IGSF22: variants seen among roughly 807,000 people sequenced by gnomAD.
IGSF22 encodes immunoglobulin superfamily, member 22.
A neutral mutation model predicts 127.0 loss-of-function variants in IGSF22; 119 were observed. The observed-to-expected ratio is 0.94, with a 90% CI of 0.81 to 1.09. IGSF22 has a LOEUF of 1.09. Ranked by LOEUF, IGSF22 falls within the 50% of genes least tolerant of loss-of-function variation. IGSF22 has a pLI of 0.00. For synonymous variants in IGSF22, 568 were observed against 664.7 expected (o/e 0.85, Z 2.24); for missense variants, 1,518 against 1,716.6 (o/e 0.88, Z 2.04).
intron 9 of IGSF22, 120 bp downstream of exon 9, chr11:18,717,811 A>G (rs4561190): frequency 0.92 from 1,015,985 of 1,106,328 alleles, 467,275 homozygotes; most frequent in East Asian, 0.95. Context: ...TCCCCACACA[A>G]TCCTTTCTTG....
In IGSF22 at chr11:18,718,609, C is replaced by T. The variant is rs574063127; in HGVS notation, c.810+6G>A. 24 of 1,543,532 alleles carry T rather than the reference C, an allele frequency of 1.6e-5. No individual in the cohort carries two copies. The East Asian group carries it at 4.9e-4, about 32-fold the overall frequency. On this transcript the variant is annotated splice_donor_region_variant and intron_variant, in intron 8 of 22. Coordinates refer to ENST00000513874, the MANE Select transcript of IGSF22 (RefSeq NM_173588.4). ...CCAAGGTGGACCCTGGCTAGGCATC[C>T]CCCACCTTGATCCATATCATCTTGA...
At chr11:18,717,645 G>T (rs1003432399) in intron 9 of IGSF22, among the ~76,000 whole-genome samples, 15 of 152,072 alleles carry the variant, frequency 9.9e-5, no homozygotes, top group African/African-American at 2.9e-4. Flanking sequence ...CGGTTCTCCT[G>T]CCTCAGCCTC....
chr11:18,717,999 A>G lies in IGSF22; in HGVS notation c.905T>C (p.Met302Thr), dbSNP rs199695741. 494 of 1,614,194 alleles carry G rather than the reference A, an allele frequency of 3.1e-4. 6 individuals are homozygous for G. In the South Asian group the frequency reaches 5.1e-3, roughly 17 times the overall value. The part of the protein sequence containing the change: ...KYMLVISNVN[M>T]NDAGIYSLSV... The stretch of plus-strand genomic sequence containing the variant: ...CAGGCTGTAGATGCCAGCATCGTTC[A>G]TGTTCACGTTGCTAATAACCAGCAT... Residue 302 changes from methionine to threonine, a missense_variant, in exon 9 of 23, where the codon ATG (methionine) becomes ACG (threonine). Met to Thr is a moderately conservative substitution (Grantham distance 81, BLOSUM62 -1). Coordinates refer to ENST00000513874, the MANE Select transcript of IGSF22 (RefSeq NM_173588.4).
intron 7 of IGSF22, 114 bp downstream of exon 7, chr11:18,719,602 G>A: frequency 3.0e-6 from 3 of 997,728 alleles, no homozygotes; most frequent in South Asian, 1.6e-5. Flanking sequence ...ACGCCTCTGA[G>A]TATGTGTGTG....
In IGSF22 at chr11:18,709,522, T is replaced by C. The variant is rs1156236588; in HGVS notation, c.2863A>G (p.Ile955Val). The change falls in exon 18 of 23, where the codon ATC becomes GTC. Residue 955 changes from isoleucine (I) to valine (V), a missense_variant. Ile to Val is a conservative substitution (Grantham distance 29). This residue lies in a region of IGSF22 where 1,456 missense variants were observed against 1,644.9 expected (regional missense o/e 0.89). Coordinates refer to ENST00000513874, the MANE Select transcript of IGSF22 (RefSeq NM_173588.4). This position sits in a 1 kb window ranked among gnomAD's most constrained non-coding sequence, Gnocchi z 4.8. The stretch of plus-strand genomic sequence containing the variant: ...CCCACTGTGTAGCAGGTGCCTGAGA[T>C]GGGGATCTTTGTGCACTTGGACCAC... ...KEWSKCTKIPISGTCYTVGGL... is the reference protein window; with the variant it reads ...KEWSKCTKIPVSGTCYTVGGL... 1.9e-6 allele frequency: 3 copies of C among 1,614,140 alleles called. No homozygotes were observed. The highest frequency in any genetic ancestry group is 1.1e-5 in the South Asian group (1 of 91,078).
chr11:18,712,077 C>T lies in IGSF22; in HGVS notation c.2398+5G>A. 1.3e-6 allele frequency: 2 copies of T among 1,546,400 alleles called. No homozygotes were observed. The highest frequency in any genetic ancestry group is 1.2e-5 in the South Asian group (1 of 83,400). The stretch of plus-strand genomic sequence containing the variant: ...CCCCACTGAGCACCAGGCTATCTCA[C>T]TGACCTATGGGATTTCCTGCAAACA... On this transcript the variant is annotated splice_donor_5th_base_variant and intron_variant, in intron 15 of 22. Transcript: ENST00000513874.
chr11:18,721,208 CTT>C (rs1848565216), intron 4 of IGSF22, among the ~76,000 whole-genome samples: 2 of 152,260 alleles, frequency 1.3e-5, no homozygotes, highest in African/African-American at 4.8e-5. Flanking sequence ...CGCCCACCGT[CTT>C]GGTCCCGCGT....
At position 18,712,239 on chromosome 11, in the gene IGSF22, G is replaced by A. The variant is rs1303784487; in HGVS notation, c.2241C>T (p.Ser747=). The A allele has an allele frequency of 1.3e-6, 2 of 1,551,626 alleles. No individual in the cohort carries two copies. The highest frequency in any genetic ancestry group is 1.4e-5 in the African/African-American group (1 of 73,052). Residue 747 remains serine (S), a synonymous_variant, in exon 15 of 23, where the codon TCC becomes TCT. Transcript: ENST00000513874. ...IVERRAVGKK[S]WIKIGEVDGK... is the part of the protein sequence containing the mutation. The stretch of plus-strand genomic sequence containing the variant: ...CGTCCACCTCGCCTATCTTAATCCA[G>A]GACTTCTTGCCAACTGCCCTCCGTT...
Position 18,704,365 on chromosome 11 carries a change from A to G in IGSF22, c.*103T>C. 1.3e-6 allele frequency: 1 copy of G among 752,366 alleles called. No homozygotes were observed. Among genetic ancestry groups the G allele is most frequent in the Non-Finnish European group, 2.3e-6 (1 of 429,690 alleles). 46.6% of individuals were successfully genotyped at this position (752,366 alleles called of 1,614,324 possible). On this transcript the variant is annotated 3_prime_UTR_variant, in exon 23 of 23. Coordinates refer to ENST00000513874, the MANE Select transcript of IGSF22 (RefSeq NM_173588.4). ...CCTTCACTGAATGTTTACATTAACA[A>G]ACACCAGAGAGCAAACTGGGCTTCC...
rs774302394 is a variant in IGSF22 at position 18,716,950 on chromosome 11, G to T, written c.1024C>A (p.Arg342Ser). ...CGGATCTCAAACACAGCTGTCTGGCGCTCTGTCACCTTCACAGGCTTCATC... is the reference window on the plus strand; with the variant it reads ...CGGATCTCAAACACAGCTGTCTGGCTCTCTGTCACCTTCACAGGCTTCATC... ...GEMKPVKVTE[R>S]QTAVFEIRLS... is the part of the protein sequence containing the mutation. Residue 342 changes from arginine to serine, a missense_variant, in exon 10 of 23, where the codon CGC becomes AGC. Physicochemically the swap from Arg to Ser is moderately radical, Grantham distance 110 (BLOSUM62 -1). Around this residue, in one of 3 missense-constraint regions of IGSF22, gnomAD observed 1,456 missense variants for 1,644.9 expected, o/e 0.89. Coordinates refer to ENST00000513874, the MANE Select transcript of IGSF22 (RefSeq NM_173588.4). This position sits in a 1 kb window ranked among gnomAD's most constrained non-coding sequence, Gnocchi z 4.5. The T allele has an allele frequency of 3.3e-5, 54 of 1,614,006 alleles. No individual in the cohort carries two copies. Among genetic ancestry groups the T allele is most frequent in the Non-Finnish European group, 4.3e-5 (51 of 1,180,020 alleles).
chr11:18,710,206 C>G, intron 17 of IGSF22, 121 bp downstream of exon 17: 1 of 1,285,144 alleles, frequency 7.8e-7, no homozygotes, highest in Non-Finnish European at 1.1e-6. Flanking sequence ...ATGAGGCTGG[C>G]AGTTTCCAGA....
rs183645626 is a variant in IGSF22 at position 18,714,102 on chromosome 11, G to A, written c.1845C>T (p.His615=). The A allele has an allele frequency of 8.9e-5, 144 of 1,614,218 alleles. No individual in the cohort carries two copies. In the African/African-American group the frequency reaches 1.1e-3, roughly 12 times the overall value. ...DPSVLEALAA[H]AITVKVGHTA... ...TGTGGCCTACCTTCACAGTGATGGC[G>A]TGCGCAGCCAGTGCCTCCAGTACTG... Residue 615 remains histidine (H), a synonymous_variant, in exon 14 of 23, where the codon CAC becomes CAT. Transcript: ENST00000513874.
chr11:18,714,175 T>C (rs889835761), intron 13 of IGSF22, 27 bp from the exon 14 acceptor site: 1 of 1,599,404 alleles, frequency 6.3e-7, no homozygotes, highest in East Asian at 2.2e-5. Context: ...CAGGGAAGGC[T>C]TGAGCATTGG....
At chr11:18,707,237 A>G (rs1564867164) in intron 20 of IGSF22, 24 bp from the exon 21 acceptor site, 1 of 1,501,120 alleles carries the variant, frequency 6.7e-7, no homozygotes, top group South Asian at 1.3e-5. Flanking sequence ...AAGATCTGTC[A>G]GCGACCTTGG....
chr11:18,717,801 T>A, intron 9 of IGSF22, 130 bp downstream of exon 9: 2 of 984,218 alleles, frequency 2.0e-6, no homozygotes, highest in Non-Finnish European at 3.0e-6. Flanking sequence ...TTGACTCCCA[T>A]CCCCACACAA....
rs558464266 is a variant in IGSF22, at chr11:18,707,737, A to C, written c.3280+67T>G. 3.2e-5 allele frequency: 43 copies of C among 1,363,362 alleles called. No homozygotes were observed. In the Admixed American group the frequency reaches 6.1e-4, roughly 19 times the overall value. 84.5% of individuals were successfully genotyped at this position (1,363,362 alleles called of 1,614,324 possible). On this transcript the variant is annotated intron_variant, in intron 20 of 22. Transcript: ENST00000513874. ...TTCCTGTGGTAGGAACTCAAGCGGC[A>C]CTGGGGAGCTGTGCTTTGGAGAGTG...
At position 18,714,526 on chromosome 11, in the gene IGSF22, C is replaced by T. The variant is rs1011047967; in HGVS notation, c.1630G>A (p.Gly544Ser). The stretch of plus-strand genomic sequence containing the variant: ...TCCTTGCCATCCTTCAGCCACACAC[C>T]CTCCACCTTCTCGTCATTCAGCACT... ...CVVLNDEKVE[G>S]VWLKDGKEIT... Residue 544 changes from glycine to serine, a missense_variant, in exon 12 of 23, where the codon GGT becomes AGT. Physicochemically the swap from Gly to Ser is moderately conservative, Grantham distance 56. This residue lies in a region of IGSF22 where 1,456 missense variants were observed against 1,644.9 expected (regional missense o/e 0.89). Transcript: ENST00000513874. 4 of 1,614,188 alleles carry T rather than the reference C, an allele frequency of 2.5e-6. No individual in the cohort carries two copies. Among genetic ancestry groups the T allele is most frequent in the Non-Finnish European group, 3.4e-6 (4 of 1,180,052 alleles).
At chr11:18,717,246 C>A (rs1042236168) in intron 9 of IGSF22, among the ~76,000 whole-genome samples, 1 of 152,200 alleles carries the variant, frequency 6.6e-6, no homozygotes, top group Non-Finnish European at 1.5e-5. Context: ...ATGTTCCAGG[C>A]ACCATCCTAG....
chr11:18,724,226 A>ATGGT lies in IGSF22; in HGVS notation c.7_10dup (p.Ile4AsnfsTer66), dbSNP rs746078119. On this transcript the variant is annotated frameshift_variant, in exon 2 of 23. Coordinates refer to ENST00000513874, the MANE Select transcript of IGSF22 (RefSeq NM_173588.4). LOFTEE classifies it high-confidence loss of function. Reference sequence around the variant, plus strand: ...CTCCTGCAGCATCTGCCGGCTGTGAATGGTTGTCATGGTGACAGCAGGCGT... The same window carrying ATGGT: ...CTCCTGCAGCATCTGCCGGCTGTGAATGGTTGGTTGTCATGGTGACAGCAGGCGT... 6.2e-7 allele frequency: 1 copy of ATGGT among 1,613,426 alleles called. No homozygotes were observed. Among genetic ancestry groups the ATGGT allele is most frequent in the Non-Finnish European group, 8.5e-7 (1 of 1,179,566 alleles).
Sources: gnomAD v4.1 joint callset for allele counts (sites outside exome capture counted in the v4.1 genomes callset) on GRCh38, gnomAD v4.1.1 for gene constraint, gnomAD v4.1.1 regional missense constraint, Gnocchi (gnomAD v3.1) non-coding constraint, MANE v1.5 for transcripts, NCBI Gene and HGNC (gene_info 2026-07-23, HGNC 2026-07-21) for gene names.